Variants in GRID2 observed in about 807,000 individuals in gnomAD.
GRID2 encodes the protein glutamate receptor ionotropic, delta-2.
Under a neutral mutation model 114.8 loss-of-function variants are expected in GRID2, and 33 were observed. The ratio of observed to expected loss-of-function variants is 0.29; its 90% confidence interval spans 0.22 to 0.38. The LOEUF is 0.38. Ranked by LOEUF, GRID2 falls within the 10% of genes least tolerant of loss-of-function variation. GRID2 has a pLI of 1.00. For missense variants in GRID2, 1,184 were observed against 1,257.7 expected, an observed-to-expected ratio of 0.94 and a Z score of 0.89; for synonymous variants, 505 against 449.9, an observed-to-expected ratio of 1.12 and a Z score of -1.55.
chr4:93,538,562 A>G (rs1301364892), intron 13 of GRID2, among the ~76,000 whole-genome samples: 1 of 151,760 alleles, frequency 6.6e-6, no homozygotes, highest in Admixed American at 6.6e-5. Context: ...CGGAACAGGA[A>G]AAAATAGAGA....
intron 2 of GRID2, among the ~76,000 whole-genome samples, chr4:92,847,808 C>A (rs192736350): frequency 1.3e-5 from 2 of 151,842 alleles, no homozygotes; most frequent in Non-Finnish European, 2.9e-5. Flanking sequence ...ACGAACAAAT[C>A]GTGTTCCATT....
At chr4:92,872,850 G>A (rs1745371185) in intron 2 of GRID2, among the ~76,000 whole-genome samples, 1 of 152,204 alleles carries the variant, frequency 6.6e-6, no homozygotes, top group African/African-American at 2.4e-5. Flanking sequence ...ATGCCTAAGG[G>A]CAGGATTTAT....
chr4:92,863,257 GC>G (rs1295095617), intron 2 of GRID2, among the ~76,000 whole-genome samples: 1 of 151,856 alleles, frequency 6.6e-6, no homozygotes, highest in African/African-American at 2.4e-5. Context: ...TGAGTTAATT[GC>G]CTTTTAAACT....
Position 92,962,744 on chromosome 4 carries a change from A to G in GRID2, c.245-122251A>G, listed in dbSNP as rs192073536. Reference sequence around the variant, plus strand: ...CTCACATAAGTATGGGCACCCGCCTATGACTAGATCCCCCTAGAGTTTTTG... The same window carrying G: ...CTCACATAAGTATGGGCACCCGCCTGTGACTAGATCCCCCTAGAGTTTTTG... On this transcript the variant is annotated intron_variant, in intron 2 of 15. Coordinates refer to ENST00000282020, the MANE Select transcript of GRID2 (RefSeq NM_001510.4). Among the ~76,000 whole-genome samples the G allele has an allele frequency of 1.5e-3, 222 of 152,074 alleles. 2 individuals are homozygous for G. Among genetic ancestry groups the G allele is most frequent in the African/African-American group, 3.7e-3 (153 of 41,534 alleles).
At chr4:93,613,960 C>T (rs1318068039) in intron 13 of GRID2, among the ~76,000 whole-genome samples, 6 of 151,774 alleles carry the variant, frequency 4.0e-5, no homozygotes, top group East Asian at 3.9e-4. Flanking sequence ...TAGCAATCAG[C>T]GAGATTCCGT....
chr4:92,611,660 A>G (rs1729749767), intron 2 of GRID2, among the ~76,000 whole-genome samples: 1 of 151,598 alleles, frequency 6.6e-6, no homozygotes, highest in Non-Finnish European at 1.5e-5. Context: ...GTACTATTTC[A>G]CATTCCCACC....
chr4:93,493,096 A>G (rs917144514), intron 12 of GRID2, among the ~76,000 whole-genome samples: 1 of 151,900 alleles, frequency 6.6e-6, no homozygotes, highest in African/African-American at 2.4e-5. Flanking sequence ...TTTTTAATCA[A>G]TAAAATTGAG....
In GRID2 at chr4:92,571,953, C is replaced by A. The variant is rs538976315; in HGVS notation, c.89-18178C>A. ...GTAGAAAAGATCTAAAATTGACACC[C>A]TAACATCACAATTAAAAGAACTAGA... On this transcript the variant is annotated intron_variant, in intron 1 of 15. Coordinates refer to ENST00000282020, the MANE Select transcript of GRID2 (RefSeq NM_001510.4). Among the ~76,000 whole-genome samples, 15 of 152,182 alleles carry A rather than the reference C, an allele frequency of 9.9e-5. No homozygotes were observed. The East Asian group carries it at 2.3e-3, about 24-fold the overall frequency.
At chr4:93,726,315 G>T in intron 14 of GRID2, among the ~76,000 whole-genome samples, 1 of 152,144 alleles carries the variant, frequency 6.6e-6, no homozygotes, top group Non-Finnish European at 1.5e-5. Context: ...CATTATTTCT[G>T]AGGGCTCTGT....
intron 2 of GRID2, among the ~76,000 whole-genome samples, chr4:92,784,292 T>C (rs2149360367): frequency 6.6e-6 from 1 of 152,120 alleles, no homozygotes; most frequent in Middle Eastern, 3.4e-3. Flanking sequence ...TTAATGCATG[T>C]CCATTTTTAT....
At chr4:93,207,252 T>A (rs1035830055) in intron 4 of GRID2, 152 bp from the exon 5 acceptor site, 2 of 666,500 alleles carry the variant, frequency 3.0e-6, no homozygotes, top group South Asian at 3.4e-5. Flanking sequence ...GCATCTACAG[T>A]GTTTTGCTAA....
chr4:92,658,619 A>C (rs541024685), intron 2 of GRID2, among the ~76,000 whole-genome samples: 3 of 151,736 alleles, frequency 2.0e-5, no homozygotes, highest in East Asian at 3.9e-4. Flanking sequence ...TACATTATAC[A>C]AGCCCACCCA....
intron 14 of GRID2, among the ~76,000 whole-genome samples, chr4:93,710,979 A>G (rs1728430718): frequency 6.6e-6 from 1 of 151,752 alleles, no homozygotes; most frequent in African/African-American, 2.4e-5. Context: ...CCCTTCAGAG[A>G]AGCAGGTTCC....
Position 92,833,905 on chromosome 4 carries a change from A to T in GRID2, c.244+243619A>T, listed in dbSNP as rs1285384098. ...CCTGAGCCAACACCAGCACATTTTA[A>T]CTTCTTCAGGAGCAGCCATCATGAC... On this transcript the variant is annotated intron_variant, in intron 2 of 15. Coordinates refer to ENST00000282020, the MANE Select transcript of GRID2 (RefSeq NM_001510.4). The T allele has an allele frequency of 2.0e-5, 3 of 152,252 alleles. No homozygotes were observed. The South Asian group carries it at 6.2e-4, about 32-fold the overall frequency. 9.4% of individuals were successfully genotyped at this position (152,252 alleles called of 1,614,324 possible).
intron 2 of GRID2, among the ~76,000 whole-genome samples, chr4:93,038,722 C>T (rs902719858): frequency 3.7e-4 from 56 of 151,880 alleles, no homozygotes; most frequent in African/African-American, 1.3e-3. Flanking sequence ...ACCCAGGAGG[C>T]GGAGCTTAGA....
intron 14 of GRID2, among the ~76,000 whole-genome samples, chr4:93,727,585 G>T (rs1730050511): frequency 1.3e-5 from 2 of 152,134 alleles, no homozygotes; most frequent in Admixed American, 1.3e-4. Context: ...TTGTACTTCT[G>T]GTAGAATTCG....
At chr4:93,403,386 G>A (rs180959608) in intron 9 of GRID2, among the ~76,000 whole-genome samples, 12 of 151,996 alleles carry the variant, frequency 7.9e-5, no homozygotes, top group South Asian at 6.2e-4. Context: ...AGCAAAATAA[G>A]CAGAGATGTC....
intron 8 of GRID2, among the ~76,000 whole-genome samples, chr4:93,327,444 T>C (rs1757954146): frequency 6.8e-6 from 1 of 147,996 alleles, no homozygotes; most frequent in Non-Finnish European, 1.5e-5. Flanking sequence ...TAGTATCCAA[T>C]CCAGGAACAA....
At chr4:92,889,047 G>A (rs1402141705) in intron 2 of GRID2, among the ~76,000 whole-genome samples, 1 of 151,994 alleles carries the variant, frequency 6.6e-6, no homozygotes, top group Non-Finnish European at 1.5e-5. Flanking sequence ...CTAATGCAGT[G>A]CAAACCAAGA....
Sources: allele counts gnomAD v4.1 joint callset (sites outside exome capture counted in the v4.1 genomes callset), GRCh38; gene constraint gnomAD v4.1.1; transcripts MANE v1.5; gene names NCBI Gene and HGNC (gene_info 2026-07-23, HGNC 2026-07-21).